Variants in PDE12 observed in about 807,000 individuals in gnomAD.
PDE12 encodes the protein 2',5'-phosphodiesterase 12.
PDE12 carries 26 observed loss-of-function variants against 45.4 expected under a neutral mutation model. That is an observed-to-expected ratio of 0.57 (90% confidence interval 0.42 to 0.79). The LOEUF (loss-of-function observed/expected upper bound fraction) is 0.79, where lower values mean the gene tolerates loss of function less well. Among genes scored for constraint, PDE12 ranks in the 30% least tolerant of loss-of-function variants. The pLI, the probability that PDE12 is intolerant of heterozygous loss-of-function variation, is 0.00. For missense variants in PDE12, 668 were observed against 790.0 expected (o/e 0.85, Z 1.85); for synonymous variants, 283 against 323.9 (o/e 0.87, Z 1.36).
the PDE12 span, chr3:57,641,797 T>A: frequency 2.5e-4 from 307 of 1,243,166 alleles, no homozygotes; most frequent in Non-Finnish European, 3.3e-4. Flanking sequence ...AAAAGATGAA[T>A]GCTAAATCAG....
chr3:57,576,888 A>C, the PDE12 span, among the ~76,000 whole-genome samples: 1 of 152,278 alleles, frequency 6.6e-6, no homozygotes, highest in African/African-American at 2.4e-5. Context: ...TTGGCACAGC[A>C]TAGAGAAAAT....
chr3:57,606,183 A>G, the PDE12 span, among the ~76,000 whole-genome samples: 156 of 152,308 alleles, frequency 1.0e-3, no homozygotes, highest in Admixed American at 1.4e-3. Context: ...ATCAAAGTGT[A>G]TTGCTATCAA....
chr3:57,613,917 A>G, the PDE12 span, among the ~76,000 whole-genome samples: 23 of 150,528 alleles, frequency 1.5e-4, no homozygotes, highest in Non-Finnish European at 7.4e-5. Flanking sequence ...AAAAAAAAAA[A>G]AAAAAAGAAA....
the PDE12 span, chr3:57,575,598 T>C: frequency 2.7e-5 from 43 of 1,613,562 alleles, no homozygotes; most frequent in Non-Finnish European, 3.6e-5. Context: ...ATTTCACTGA[T>C]GGCCATAGCA....
chr3:57,651,097 T>C, the PDE12 span, among the ~76,000 whole-genome samples: 1 of 152,156 alleles, frequency 6.6e-6, no homozygotes, highest in South Asian at 2.1e-4. Flanking sequence ...CCACATGGAA[T>C]ATTATTCAAC....
At chr3:57,629,471 G>A in the PDE12 span, among the ~76,000 whole-genome samples, 8 of 150,566 alleles carry the variant, frequency 5.3e-5, no homozygotes, top group East Asian at 1.2e-3. Flanking sequence ...TTTAAAATAG[G>A]CTGGTAATAC....
the PDE12 span, chr3:57,646,291 A>G: frequency 6.3e-7 from 1 of 1,586,372 alleles, no homozygotes; most frequent in Non-Finnish European, 8.5e-7. Flanking sequence ...AAAAAAACCC[A>G]GAAATAGTAA....
chr3:57,591,402 GA>G, the PDE12 span, among the ~76,000 whole-genome samples: 11 of 143,786 alleles, frequency 7.7e-5, no homozygotes, highest in Admixed American at 3.5e-4. Context: ...TAATGAAAAG[GA>G]AAAAAAAAAG....
At chr3:57,630,568 T>C in the PDE12 span, 2 of 1,551,636 alleles carry the variant, frequency 1.3e-6, no homozygotes, top group Admixed American at 2.2e-5. Flanking sequence ...TTATAACTTA[T>C]TTCCTTTCCT....
the PDE12 span, chr3:57,619,469 G>A: frequency 6.6e-6 from 1 of 152,260 alleles, no homozygotes; most frequent in South Asian, 2.1e-4. Context: ...AGGAGAGAAG[G>A]TTAGCACTTC....
the PDE12 span, chr3:57,600,114 C>T: frequency 6.6e-6 from 1 of 151,902 alleles, no homozygotes; most frequent in Non-Finnish European, 1.5e-5. Context: ...GCTTACTCAA[C>T]CTCCTGGGAT....
At chr3:57,604,252 A>G in the PDE12 span, among the ~76,000 whole-genome samples, 1 of 152,216 alleles carries the variant, frequency 6.6e-6, no homozygotes, top group South Asian at 2.1e-4. Flanking sequence ...CAGTTACTTA[A>G]ATATCTTCTA....
the PDE12 span, among the ~76,000 whole-genome samples, chr3:57,650,266 A>T: frequency 6.6e-6 from 1 of 151,768 alleles, no homozygotes; most frequent in Non-Finnish European, 1.5e-5. Flanking sequence ...ACCAAACACC[A>T]CCTATTCCCC....
the PDE12 span, chr3:57,628,328 C>T: frequency 1.2e-6 from 2 of 1,614,020 alleles, no homozygotes; most frequent in Non-Finnish European, 1.7e-6. Context: ...CAGGTAAGTG[C>T]TCTCGATCAG....
chr3:57,631,540 A>G, the PDE12 span, among the ~76,000 whole-genome samples: 1 of 152,102 alleles, frequency 6.6e-6, no homozygotes, highest in East Asian at 1.9e-4. Flanking sequence ...CTGAGCAACT[A>G]TAGGCCAGAT....
the PDE12 span, among the ~76,000 whole-genome samples, chr3:57,600,420 C>G: frequency 4.0e-5 from 6 of 149,490 alleles, no homozygotes; most frequent in Non-Finnish European, 8.9e-5. Context: ...CCCTTCCTTT[C>G]CTTTCCCTTT....
At chr3:57,617,232 T>C in the PDE12 span, among the ~76,000 whole-genome samples, 1 of 151,548 alleles carries the variant, frequency 6.6e-6, no homozygotes, top group African/African-American at 2.4e-5. Flanking sequence ...CAGTGAGACC[T>C]CATCTCTACC....
At chr3:57,629,934 G>A in the PDE12 span, among the ~76,000 whole-genome samples, 2 of 152,330 alleles carry the variant, frequency 1.3e-5, no homozygotes, top group African/African-American at 4.8e-5. Context: ...CCAGTAATGT[G>A]CTGGTAAATA....
the PDE12 span, among the ~76,000 whole-genome samples, chr3:57,602,773 G>A: frequency 6.6e-6 from 1 of 151,978 alleles, no homozygotes; most frequent in Non-Finnish European, 1.5e-5. Flanking sequence ...GTTTCACCAT[G>A]TTGGCCAGGC....
Sources: allele counts gnomAD v4.1 joint callset (sites outside exome capture counted in the v4.1 genomes callset), GRCh38; gene constraint gnomAD v4.1.1; transcripts MANE v1.5; gene names NCBI Gene and HGNC (gene_info 2026-07-23, HGNC 2026-07-21).